Variants in RAB9B observed in about 807,000 individuals in gnomAD.
The protein encoded by RAB9B is ras-related protein Rab-9B.
RAB9B carries 1 observed loss-of-function variant against 8.9 expected under a neutral mutation model. That is an observed-to-expected ratio of 0.11 (90% CI 0.04 to 0.53). RAB9B has a LOEUF of 0.53. Among genes scored for constraint, RAB9B ranks in the 20% least tolerant of loss-of-function variants. The pLI, the probability that RAB9B is intolerant of heterozygous loss-of-function variation, is 0.93. For missense variants in RAB9B, 82 were observed against 152.9 expected (o/e 0.54, Z 2.45); for synonymous variants, 63 against 57.0 (o/e 1.10, Z -0.47).
the RAB9B span, among the ~76,000 whole-genome samples, chrX:103,782,863 G>A: frequency 1.8e-5 from 2 of 112,154 alleles, no homozygotes; most frequent in Admixed American, 1.9e-4. Flanking sequence ...AAAGAACAAG[G>A]CTTCTTTGTC....
the RAB9B span, among the ~76,000 whole-genome samples, chrX:103,779,392 G>C: frequency 2.7e-5 from 3 of 111,959 alleles, no homozygotes; most frequent in African/African-American, 9.8e-5. Context: ...TGTGGCGGCA[G>C]AGCGGGGGTC....
chrX:103,812,275 GT>G, the RAB9B span, among the ~76,000 whole-genome samples: 1 of 111,599 alleles, frequency 9.0e-6, no homozygotes, highest in South Asian at 3.7e-4. Context: ...GGAAGATTAA[GT>G]TTTTAACATA....
chrX:103,802,526 C>A, the RAB9B span, among the ~76,000 whole-genome samples: 3 of 111,420 alleles, frequency 2.7e-5, no homozygotes, highest in Non-Finnish European at 5.7e-5. Context: ...AGGAATGAAC[C>A]TTGATGTAGC....
chrX:103,815,827 T>C, the RAB9B span, among the ~76,000 whole-genome samples: 6 of 111,469 alleles, frequency 5.4e-5, no homozygotes, highest in Non-Finnish European at 1.1e-4. Context: ...TGAACTCCCA[T>C]TCACCATTGC....
At chrX:103,788,043 A>G in the RAB9B span, 1 of 820,563 alleles carries the variant, frequency 1.2e-6, no homozygotes, top group Non-Finnish European at 1.8e-6. Flanking sequence ...TCTTAGTGTA[A>G]GGAGGGTGGT....
the RAB9B span, chrX:103,788,362 G>T: frequency 1.4e-6 from 1 of 727,817 alleles, no homozygotes; most frequent in East Asian, 3.2e-5. Flanking sequence ...TGGAAGAAGG[G>T]CTCTGGGGGA....
rs2074665733 is a variant in RAB9B at position 103,822,577 on chromosome X, A to C, written c.*2602T>G. 1 of 111,811 alleles carries C rather than the reference A, an allele frequency of 8.9e-6. No homozygotes were observed. The highest frequency in any genetic ancestry group is 1.9e-5 in the Non-Finnish European group (1 of 53,197). The allele number at this position is 111,811 out of a possible 1,213,427, so 9.2% of individuals were successfully genotyped here. A position where few individuals can be genotyped will look rare whatever the true frequency, so the allele number is the denominator to read the frequency against. ...GCCAATACATGACAATAAACTAAAT[A>C]AATATTCTGTATGATGTTTTAACAG... is the stretch of plus-strand genomic sequence containing the variant. On this transcript the variant is annotated 3_prime_UTR_variant, in exon 3 of 3. Transcript: ENST00000243298.
downstream of RAB9B, among the ~76,000 whole-genome samples, chrX:103,822,167 T>C (rs1219518968): frequency 9.0e-6 from 1 of 111,688 alleles, no homozygotes; most frequent in Non-Finnish European, 1.9e-5. Flanking sequence ...TATAGAAATA[T>C]CTGATCACTA....
chrX:103,781,979 C>G, the RAB9B span, among the ~76,000 whole-genome samples: 1 of 65 alleles, frequency 0.015, no homozygotes, highest in Non-Finnish European at 0.023. Context: ...CACACATACC[C>G]AAGGGACATT....
At chrX:103,803,490 G>C in the RAB9B span, among the ~76,000 whole-genome samples, 1 of 112,544 alleles carries the variant, frequency 8.9e-6, no homozygotes, top group Admixed American at 9.4e-5. Context: ...TGGTCCATTT[G>C]TATATCTTTA....
At chrX:103,815,579 C>T in the RAB9B span, among the ~76,000 whole-genome samples, 1 of 111,737 alleles carries the variant, frequency 8.9e-6, no homozygotes, top group Non-Finnish European at 1.9e-5. Flanking sequence ...GAAGTTCTGG[C>T]CAGGGCAATC....
chrX:103,792,962 C>T, the RAB9B span, among the ~76,000 whole-genome samples: 2 of 112,114 alleles, frequency 1.8e-5, no homozygotes, highest in East Asian at 2.8e-4. Flanking sequence ...TTTTCAATAC[C>T]TTAGTGGTGC....
At chrX:103,788,183 A>G in the RAB9B span, among the ~76,000 whole-genome samples, 9 of 111,914 alleles carry the variant, frequency 8.0e-5, no homozygotes, top group East Asian at 8.4e-4. Context: ...GGCCATTCAC[A>G]TTGGCCTACT....
the RAB9B span, among the ~76,000 whole-genome samples, chrX:103,779,212 A>G: frequency 8.9e-6 from 1 of 112,455 alleles, no homozygotes; most frequent in Non-Finnish European, 1.9e-5. Flanking sequence ...GCTCTGAAAC[A>G]CAATGCCATT....
chrX:103,781,232 G>T, the RAB9B span: 1 of 305,142 alleles, frequency 3.3e-6, no homozygotes, highest in Non-Finnish European at 6.6e-6. Context: ...GAGGGAGGGA[G>T]GGTTGGGAGC....
At chrX:103,830,428 C>T (rs78593636) in intron 1 of RAB9B, among the ~76,000 whole-genome samples, 4 of 111,670 alleles carry the variant, frequency 3.6e-5, no homozygotes, top group African/African-American at 9.8e-5. Flanking sequence ...AGTCAAATGA[C>T]GTATGCATCC....
At chrX:103,799,858 CT>C in the RAB9B span, among the ~76,000 whole-genome samples, 1 of 111,565 alleles carries the variant, frequency 9.0e-6, no homozygotes, top group African/African-American at 3.3e-5. Context: ...ATTCATTTTA[CT>C]GACAATCCTT....
downstream of RAB9B, among the ~76,000 whole-genome samples, chrX:103,821,172 A>T (rs1055120611): frequency 6.3e-5 from 7 of 110,876 alleles, no homozygotes; most frequent in Admixed American, 6.7e-4. Context: ...GTCTCAAAAA[A>T]AAAAATAATC....
the RAB9B span, among the ~76,000 whole-genome samples, chrX:103,797,513 T>C: frequency 8.9e-6 from 1 of 112,023 alleles, no homozygotes; most frequent in Non-Finnish European, 1.9e-5. Context: ...AATGAAGTAT[T>C]CAAACTCACC....
Sources: gnomAD v4.1 joint callset for allele counts (sites outside exome capture counted in the v4.1 genomes callset) on GRCh38, gnomAD v4.1.1 for gene constraint, MANE v1.5 for transcripts, NCBI Gene and HGNC (gene_info 2026-07-23, HGNC 2026-07-21) for gene names.